Variants in ARID4B observed in about 807,000 individuals in gnomAD.
ARID4B encodes the protein AT-rich interactive domain-containing protein 4B.
In ARID4B, 26 loss-of-function variants were observed where a neutral mutation model predicts 147.5. The ratio of observed to expected loss-of-function variants is 0.18; its 90% CI spans 0.13 to 0.24. ARID4B has a LOEUF of 0.24. Among genes scored for constraint, ARID4B ranks in the 10% least tolerant of loss-of-function variants. ARID4B has a pLI of 1.00. For synonymous variants in ARID4B, 512 were observed against 507.9 expected, an observed-to-expected ratio of 1.01 and a Z score of -0.11; for missense variants, 1,179 against 1,511.5, an observed-to-expected ratio of 0.78 and a Z score of 3.65.
intron 23 of ARID4B, among the ~76,000 whole-genome samples, chr1:235,172,316 C>T (rs1219298351): frequency 6.6e-6 from 1 of 152,162 alleles, no homozygotes; most frequent in African/African-American, 2.4e-5. Flanking sequence ...TTGGCTCACG[C>T]CTGTAATCTT....
intron 2 of ARID4B, among the ~76,000 whole-genome samples, chr1:235,264,087 G>A (rs2103124485): frequency 6.6e-6 from 1 of 152,214 alleles, no homozygotes; most frequent in Non-Finnish European, 1.5e-5. Flanking sequence ...GTTAGAAAGA[G>A]CACAGAAAAA....
At chr1:235,219,091 C>T (rs952953546) in intron 16 of ARID4B, among the ~76,000 whole-genome samples, 2 of 151,860 alleles carry the variant, frequency 1.3e-5, no homozygotes, top group African/African-American at 2.4e-5. Context: ...CTTGAAATCC[C>T]GACATCAAGT....
chr1:235,288,755 G>A (rs1368950610), intron 2 of ARID4B, among the ~76,000 whole-genome samples: 2 of 152,254 alleles, frequency 1.3e-5, no homozygotes, highest in African/African-American at 4.8e-5. Flanking sequence ...CAAAGAACAT[G>A]AACATTTTTT....
intron 21 of ARID4B, among the ~76,000 whole-genome samples, chr1:235,176,437 C>CAAAAAAAAAAAAAAAAAAA (rs34808765): frequency 4.0e-4 from 9 of 22,528 alleles, no homozygotes; most frequent in African/African-American, 8.9e-4. Flanking sequence ...ACAACATCAC[C>CAAAAAAAAAAAAAAAAAAA]AAAAAAAAAA....
intron 2 of ARID4B, 83 bp downstream of exon 2, chr1:235,326,831 A>G: frequency 6.5e-7 from 1 of 1,541,410 alleles, no homozygotes; most frequent in Non-Finnish European, 9.0e-7. Flanking sequence ...AAAACTCGGA[A>G]GCCCCACACG....
chr1:235,256,458 T>C (rs1669998557), intron 4 of ARID4B, among the ~76,000 whole-genome samples: 1 of 152,172 alleles, frequency 6.6e-6, no homozygotes, highest in African/African-American at 2.4e-5. Context: ...GGGTTTCCTT[T>C]TGGCCCTAAA....
intron 7 of ARID4B, among the ~76,000 whole-genome samples, chr1:235,242,247 CAAA>C (rs68058640): frequency 3.1e-5 from 4 of 127,208 alleles, no homozygotes; most frequent in Non-Finnish European, 6.8e-5. Flanking sequence ...GACTCCGTCT[CAAA>C]AAAAAAAAAA....
chr1:235,311,997 A>T (rs1282757773), intron 2 of ARID4B, among the ~76,000 whole-genome samples: 1 of 152,174 alleles, frequency 6.6e-6, no homozygotes, highest in Non-Finnish European at 1.5e-5. Flanking sequence ...AGAATGTAAA[A>T]GAAAATTATG....
intron 1 of ARID4B, chr1:235,327,551 C>G (rs988459015): frequency 6.6e-6 from 1 of 152,200 alleles, no homozygotes; most frequent in Admixed American, 6.5e-5. Context: ...CCCGGGCCCC[C>G]GACCGCGGCC....
chr1:235,232,104 G>C (rs1278212999), intron 9 of ARID4B, among the ~76,000 whole-genome samples: 2 of 152,078 alleles, frequency 1.3e-5, no homozygotes, highest in Non-Finnish European at 2.9e-5. Context: ...GTAGGCAACA[G>C]AGCAAGATCC....
intron 2 of ARID4B, among the ~76,000 whole-genome samples, chr1:235,287,968 T>G (rs1291059912): frequency 3.9e-5 from 6 of 152,238 alleles, no homozygotes; most frequent in Non-Finnish European, 8.8e-5. Flanking sequence ...TAAATTGGCC[T>G]TTAGTTGTAC....
At chr1:235,318,749 C>T (rs879705240) in intron 2 of ARID4B, among the ~76,000 whole-genome samples, 1 of 151,964 alleles carries the variant, frequency 6.6e-6, no homozygotes, top group African/African-American at 2.4e-5. Flanking sequence ...GGCATGGTGG[C>T]GCACACCTGT....
At chr1:235,288,425 A>G (rs1672124167) in intron 2 of ARID4B, among the ~76,000 whole-genome samples, 2 of 152,206 alleles carry the variant, frequency 1.3e-5, no homozygotes, top group African/African-American at 2.4e-5. Context: ...ATACACGTAC[A>G]TGTATCCATA....
At chr1:235,200,749 A>C (rs939100328) in intron 17 of ARID4B, among the ~76,000 whole-genome samples, 2 of 152,220 alleles carry the variant, frequency 1.3e-5, no homozygotes, top group African/African-American at 4.8e-5. Flanking sequence ...TTAAAAAGAG[A>C]CAACACCAAA....
At chr1:235,191,197 C>A (rs188466168) in intron 19 of ARID4B, among the ~76,000 whole-genome samples, 2 of 151,740 alleles carry the variant, frequency 1.3e-5, no homozygotes, top group Non-Finnish European at 2.9e-5. Context: ...TCTGCTACTA[C>A]GACTGAGCAC....
chr1:235,315,683 C>T (rs1192205876), intron 2 of ARID4B, among the ~76,000 whole-genome samples: 1 of 152,168 alleles, frequency 6.6e-6, no homozygotes, highest in African/African-American at 2.4e-5. Context: ...ACCTTACTAT[C>T]AACACTAACA....
chr1:235,308,666 G>A lies in ARID4B; in HGVS notation c.6+18248C>T, dbSNP rs112990447. 3.3e-5 allele frequency among the ~76,000 whole-genome samples: 5 copies of A among 151,902 alleles called. No individual in the cohort carries two copies. In the South Asian group the frequency reaches 6.2e-4, roughly 19 times the overall value. On this transcript the variant is annotated intron_variant, in intron 2 of 23. Transcript: ENST00000264183. Reference sequence around the variant, plus strand: ...GTTTTTGTATTTTTTTGGTGGAGACGGGGCTTCGCTGTGTTGGCCGGGCTG... The same window carrying A: ...GTTTTTGTATTTTTTTGGTGGAGACAGGGCTTCGCTGTGTTGGCCGGGCTG...
chr1:235,256,103 G>C (rs1669970538), intron 4 of ARID4B, among the ~76,000 whole-genome samples: 1 of 150,982 alleles, frequency 6.6e-6, no homozygotes, highest in South Asian at 2.1e-4. Context: ...GAGCCTGGGA[G>C]GTGGAGGTTG....
In ARID4B at chr1:235,238,744, T is replaced by C. The variant is rs1668784849; in HGVS notation, c.585+1569A>G. On this transcript the variant is annotated intron_variant, in intron 8 of 23. Coordinates refer to ENST00000264183, the MANE Select transcript of ARID4B (RefSeq NM_016374.6). ...GGTGGTCTCCACCTGTAGTGTGAGC[T>C]ACTCAGGAGGCTGAGGTGGGAGAAT... Among the ~76,000 whole-genome samples, 4 of 151,970 alleles carry C rather than the reference T, an allele frequency of 2.6e-5. 1 individual carries two copies. Among genetic ancestry groups the C allele is most frequent in the Admixed American group, 2.6e-4 (4 of 15,248 alleles).
Sources: gnomAD v4.1 joint callset for allele counts (sites outside exome capture counted in the v4.1 genomes callset) on GRCh38, gnomAD v4.1.1 for gene constraint, MANE v1.5 for transcripts, NCBI Gene and HGNC (gene_info 2026-07-23, HGNC 2026-07-21) for gene names.